ADAMTSL1: variants seen among roughly 807,000 people sequenced by gnomAD.
The protein encoded by ADAMTSL1 is ADAMTS-like protein 1.
Under a neutral mutation model 201.8 loss-of-function variants are expected in ADAMTSL1, and 126 were observed. The observed-to-expected ratio is 0.62, with a 90% confidence interval of 0.54 to 0.72. The LOEUF is 0.72. Ranked by LOEUF, ADAMTSL1 falls within the 30% of genes least tolerant of loss-of-function variation. ADAMTSL1 has a pLI of 0.00. For missense variants in ADAMTSL1, 2,679 were observed against 2,277.8 expected (o/e 1.18, Z -3.59); for synonymous variants, 1,121 against 903.4 (o/e 1.24, Z -4.32).
intron 4 of ADAMTSL1, among the ~76,000 whole-genome samples, chr9:18,577,699 T>G (rs1024053214): frequency 5.3e-5 from 8 of 152,192 alleles, no homozygotes; most frequent in Admixed American, 2.6e-4. Context: ...CTGAAAATTT[T>G]AAGTTGAAAA....
At chr9:18,099,341 ATATATATATATATATTTTTTT>A (rs1824394391) in intron 1 of ADAMTSL1, among the ~76,000 whole-genome samples, 1 of 45,450 alleles carries the variant, frequency 2.2e-5, no homozygotes, top group South Asian at 7.4e-4. Context: ...ATATATATAT[ATATATATATATATATTTTTTT>A]TTTTTTTTTT....
chr9:18,813,766 G>A (rs764678507), intron 20 of ADAMTSL1, among the ~76,000 whole-genome samples: 32 of 152,298 alleles, frequency 2.1e-4, no homozygotes, highest in Non-Finnish European at 3.8e-4. Context: ...AACAAGGACA[G>A]TATAACTTTT....
At chr9:18,075,416 T>G (rs1357315538) in intron 1 of ADAMTSL1, among the ~76,000 whole-genome samples, 1 of 152,148 alleles carries the variant, frequency 6.6e-6, no homozygotes, top group Non-Finnish European at 1.5e-5. Context: ...GAGCCACAAG[T>G]ACGTTGGGAC....
At chr9:18,753,256 G>T (rs1284077261) in intron 15 of ADAMTSL1, 42 bp from the exon 16 acceptor site, 3 of 1,556,764 alleles carry the variant, frequency 1.9e-6, no homozygotes, top group Non-Finnish European at 2.6e-6. Context: ...TCTCTGCACA[G>T]GTACTAAGGG....
chr9:18,020,975 G>A lies in ADAMTSL1; in HGVS notation c.87+114053G>A, dbSNP rs898789509. On this transcript the variant is annotated intron_variant, in intron 1 of 29. Coordinates refer to the ADAMTSL1 transcript ENST00000680146. The stretch of plus-strand genomic sequence containing the variant: ...CCTTTAAATCCCTAGTCATCTGGGC[G>A]TGATAGCCCCAGTGCCACTCAAAGG... 4.6e-5 allele frequency among the ~76,000 whole-genome samples: 7 copies of A among 152,086 alleles called. No individual in the cohort carries two copies. In the East Asian group the frequency reaches 5.8e-4, roughly 13 times the overall value.
chr9:18,175,491 T>C (rs1828102141), intron 2 of ADAMTSL1, among the ~76,000 whole-genome samples: 1 of 152,220 alleles, frequency 6.6e-6, no homozygotes, highest in Non-Finnish European at 1.5e-5. Context: ...AAACACAATT[T>C]AACATCAAAA....
At chr9:17,956,395 G>A (rs776405872) in intron 1 of ADAMTSL1, among the ~76,000 whole-genome samples, 24 of 152,068 alleles carry the variant, frequency 1.6e-4, no homozygotes, top group Non-Finnish European at 3.1e-4. Context: ...TAAGAAAGTC[G>A]GCAATATTGT....
intron 2 of ADAMTSL1, among the ~76,000 whole-genome samples, chr9:18,173,953 G>C (rs1029933010): frequency 1.3e-5 from 2 of 152,066 alleles, no homozygotes; most frequent in Non-Finnish European, 2.9e-5. Context: ...TCCTGAGTTA[G>C]TCACCACTTA....
chr9:18,602,386 A>G (rs1824721229), intron 4 of ADAMTSL1, among the ~76,000 whole-genome samples: 1 of 152,212 alleles, frequency 6.6e-6, no homozygotes, highest in African/African-American at 2.4e-5. Flanking sequence ...ACAATTTCTT[A>G]ATGGATTCCA....
intron 1 of ADAMTSL1, among the ~76,000 whole-genome samples, chr9:17,948,787 T>C (rs1316798036): frequency 6.6e-6 from 1 of 152,170 alleles, no homozygotes; most frequent in Non-Finnish European, 1.5e-5. Flanking sequence ...CTTTAAAAAT[T>C]AAAATGGCAA....
intron 2 of ADAMTSL1, among the ~76,000 whole-genome samples, chr9:18,520,166 TTAC>T (rs1387163931): frequency 1.3e-5 from 2 of 152,186 alleles, no homozygotes. Flanking sequence ...AAATTTTAAT[TTAC>T]CAGCTTTGCA....
chr9:18,094,000 G>T (rs1215136496), intron 1 of ADAMTSL1, among the ~76,000 whole-genome samples: 1 of 152,136 alleles, frequency 6.6e-6, no homozygotes, highest in Non-Finnish European at 1.5e-5. Context: ...GGAATTCTAG[G>T]TTTGGGAGTT....
At chr9:18,275,263 G>T (rs1159251266) in intron 2 of ADAMTSL1, among the ~76,000 whole-genome samples, 1 of 152,094 alleles carries the variant, frequency 6.6e-6, no homozygotes, top group Non-Finnish European at 1.5e-5. Flanking sequence ...TCCCATTATT[G>T]TGCGCATTAC....
At chr9:17,918,163 C>T (rs1826175293) in intron 1 of ADAMTSL1, among the ~76,000 whole-genome samples, 1 of 151,320 alleles carries the variant, frequency 6.6e-6, no homozygotes, top group Non-Finnish European at 1.5e-5. Flanking sequence ...CACTCATTTC[C>T]TCTCTTCATT....
chr9:18,514,916 A>G (rs1436007816), intron 2 of ADAMTSL1, among the ~76,000 whole-genome samples: 2 of 152,230 alleles, frequency 1.3e-5, no homozygotes, highest in African/African-American at 2.4e-5. Context: ...GACTTTTCAC[A>G]TATGGCCTTA....
intron 2 of ADAMTSL1, among the ~76,000 whole-genome samples, chr9:18,411,162 C>CTTATTTA (rs144070742): frequency 6.3e-5 from 9 of 142,312 alleles, no homozygotes; most frequent in African/African-American, 2.1e-4. Flanking sequence ...GCACCCAGCC[C>CTTATTTA]TTTATTTATT....
chr9:18,656,699 T>A (rs1828708808), intron 7 of ADAMTSL1, among the ~76,000 whole-genome samples: 1 of 151,898 alleles, frequency 6.6e-6, no homozygotes, highest in South Asian at 2.1e-4. Context: ...AGTGGTTCAG[T>A]TGGACTCTGA....
At chr9:18,507,687 A>G (rs796801032) in intron 2 of ADAMTSL1, among the ~76,000 whole-genome samples, 10 of 152,292 alleles carry the variant, frequency 6.6e-5, no homozygotes, top group African/African-American at 2.2e-4. Flanking sequence ...TTTCAAAACA[A>G]GGCATGCGTA....
intron 2 of ADAMTSL1, among the ~76,000 whole-genome samples, chr9:18,458,669 A>G (rs1290710624): frequency 3.9e-5 from 6 of 152,176 alleles, no homozygotes; most frequent in South Asian, 2.1e-4. Flanking sequence ...ATATACCGGG[A>G]AAAAGATTCG....
Sources: allele counts gnomAD v4.1 joint callset (sites outside exome capture counted in the v4.1 genomes callset), GRCh38; gene constraint gnomAD v4.1.1; transcripts MANE v1.5; gene names NCBI Gene and HGNC (gene_info 2026-07-23, HGNC 2026-07-21).